Variants in HDLBP observed in about 807,000 individuals in gnomAD.
The protein encoded by HDLBP is high density lipoprotein binding protein, also known as vigilin.
In HDLBP, 30 loss-of-function variants were observed where a neutral mutation model predicts 137.3. The ratio of observed to expected loss-of-function variants is 0.22; its 90% confidence interval spans 0.16 to 0.30. HDLBP has a LOEUF of 0.30. Ranked by LOEUF, HDLBP falls within the 10% of genes least tolerant of loss-of-function variation. The probability of loss-of-function intolerance (pLI) is 1.00; values close to 1 mark genes in which losing one functional copy is unlikely to be tolerated. For synonymous variants in HDLBP, 606 were observed against 596.0 expected, an observed-to-expected ratio of 1.02 and a Z score of -0.24; for missense variants, 1,119 against 1,667.3, an observed-to-expected ratio of 0.67 and a Z score of 5.73.
intron 20 of HDLBP, among the ~76,000 whole-genome samples, chr2:241,237,431 C>A (rs1328341507): frequency 6.6e-6 from 1 of 152,136 alleles, no homozygotes; most frequent in African/African-American, 2.4e-5. Context: ...AAAACAGACA[C>A]AACAATAATT....
chr2:241,290,188 T>C (rs2074965530), intron 1 of HDLBP, among the ~76,000 whole-genome samples: 1 of 152,208 alleles, frequency 6.6e-6, no homozygotes, highest in East Asian at 1.9e-4. Flanking sequence ...GAAATGTGTA[T>C]GTCTGTTTAT....
Position 241,253,232 on chromosome 2 carries a change from C to T in HDLBP, c.1293+161G>A, listed in dbSNP as rs769692961. 64 of 681,720 alleles carry T rather than the reference C, an allele frequency of 9.4e-5. No individual in the cohort carries two copies. In the Admixed American group the frequency reaches 1.1e-3, roughly 11 times the overall value. The allele number at this position is 681,720 out of a possible 1,614,324, so 42.2% of individuals were successfully genotyped here. On this transcript the variant is annotated intron_variant, in intron 10 of 27. Coordinates refer to ENST00000310931, the MANE Select transcript of HDLBP (RefSeq NM_005336.6). ...TCCACCCACGATTATTCCAGGACTT[C>T]GACCAGCTTCTGGTTGTTTCAGAAC...
At chr2:241,294,584 C>CT (rs1157079817) in intron 1 of HDLBP, among the ~76,000 whole-genome samples, 1 of 152,136 alleles carries the variant, frequency 6.6e-6, no homozygotes, top group Non-Finnish European at 1.5e-5. Flanking sequence ...CCTCAGACTC[C>CT]TAAGGCGCTG....
At chr2:241,250,065 C>A in intron 11 of HDLBP, 85 bp from the exon 12 acceptor site, 1 of 1,324,812 alleles carries the variant, frequency 7.5e-7, no homozygotes, top group South Asian at 1.5e-5. Context: ...AGCGCTAAAG[C>A]GCTAAATAAC....
chr2:241,283,485 T>C (rs1013630396), intron 1 of HDLBP, among the ~76,000 whole-genome samples: 8 of 151,958 alleles, frequency 5.3e-5, no homozygotes, highest in African/African-American at 1.9e-4. Context: ...TTTTTTTTTT[T>C]TTTTCTTGAG....
chr2:241,259,399 A>C (rs1354211675), intron 5 of HDLBP, among the ~76,000 whole-genome samples: 2 of 152,250 alleles, frequency 1.3e-5, no homozygotes, highest in East Asian at 3.8e-4. Flanking sequence ...AAATGTTGAA[A>C]TACTTTAAAA....
At chr2:241,267,824 G>A in intron 2 of HDLBP, 1 of 1,454,398 alleles carries the variant, frequency 6.9e-7, no homozygotes, top group Non-Finnish European at 9.1e-7. Flanking sequence ...CTCCAGGTGT[G>A]GGACAGAACT....
At chr2:241,260,068 A>C (rs1559515611) in intron 5 of HDLBP, among the ~76,000 whole-genome samples, 1 of 152,106 alleles carries the variant, frequency 6.6e-6, no homozygotes, top group Non-Finnish European at 1.5e-5. Flanking sequence ...CAATGGCATG[A>C]TCTTGGCTCA....
chr2:241,242,417 A>C (rs1574889023), intron 17 of HDLBP, 43 bp downstream of exon 17: 1 of 1,542,600 alleles, frequency 6.5e-7, no homozygotes, highest in Admixed American at 1.7e-5. Context: ...TGTACTGAGG[A>C]CCAGGCTTCC....
At chr2:241,308,114 T>C (rs954755250) in intron 1 of HDLBP, among the ~76,000 whole-genome samples, 1 of 152,200 alleles carries the variant, frequency 6.6e-6, no homozygotes, top group African/African-American at 2.4e-5. Context: ...AAAATGATCA[T>C]GTTTATTCTT....
At chr2:241,310,356 T>C (rs1389706703) in intron 1 of HDLBP, among the ~76,000 whole-genome samples, 2 of 152,214 alleles carry the variant, frequency 1.3e-5, no homozygotes, top group African/African-American at 2.4e-5. Flanking sequence ...AGATATATTG[T>C]ACAGCACGGT....
chr2:241,246,685 A>G, intron 16 of HDLBP, 67 bp downstream of exon 16: 1 of 1,519,742 alleles, frequency 6.6e-7, no homozygotes, highest in Non-Finnish European at 9.0e-7. Flanking sequence ...ACTCAACCCC[A>G]GGCTCAATCT....
At chr2:241,305,216 T>C (rs1160937774) in intron 1 of HDLBP, among the ~76,000 whole-genome samples, 2 of 152,174 alleles carry the variant, frequency 1.3e-5, no homozygotes, top group Non-Finnish European at 2.9e-5. Flanking sequence ...CTCCAACTCC[T>C]GGGTTAAAGT....
chr2:241,271,083 T>C, intron 1 of HDLBP: 1 of 985,426 alleles, frequency 1.0e-6, no homozygotes, highest in South Asian at 4.7e-5. Flanking sequence ...TTCCCCTTTC[T>C]GGCCATGGAG....
rs1474026118 is a variant in HDLBP, at chr2:241,272,351, C to T, written c.-102-3810G>A. ...GGGAGGGGAGGGCCGGCCCCGCCAA[C>T]GTCAGCGACCTGGGCTCAGGTCGGC... On this transcript the variant is annotated intron_variant, in intron 1 of 27. Coordinates refer to ENST00000310931, the MANE Select transcript of HDLBP (RefSeq NM_005336.6). This position sits in a 1 kb window ranked among gnomAD's most constrained non-coding sequence, Gnocchi z 5.6. The T allele has an allele frequency of 1.0e-6, 1 of 984,292 alleles. No individual in the cohort carries two copies. Among genetic ancestry groups the T allele is most frequent in the Non-Finnish European group, 1.2e-6 (1 of 829,296 alleles). 61.0% of individuals were successfully genotyped at this position (984,292 alleles called of 1,614,324 possible).
chr2:241,279,413 A>G (rs1329125519), intron 1 of HDLBP, among the ~76,000 whole-genome samples: 1 of 152,256 alleles, frequency 6.6e-6, no homozygotes, highest in African/African-American at 2.4e-5. Flanking sequence ...AAATTTATAC[A>G]AAAGATCAAG....
At chr2:241,256,927 C>A in intron 5 of HDLBP, 121 bp from the exon 6 acceptor site, 2 of 804,512 alleles carry the variant, frequency 2.5e-6, no homozygotes, top group Non-Finnish European at 4.0e-6. Flanking sequence ...AGCACCAACT[C>A]ATCCATTAAA....
In HDLBP at chr2:241,247,103, G is replaced by C; in HGVS notation, c.1771C>G (p.Gln591Glu). The C allele has an allele frequency of 6.2e-7, 1 of 1,613,506 alleles. No homozygotes were observed. The highest frequency in any genetic ancestry group is 8.5e-7 in the Non-Finnish European group (1 of 1,179,416). Reference protein sequence around the residue: ...SYSISVPIFKQFHKNIIGKGG... With the variant: ...SYSISVPIFKEFHKNIIGKGG... Reference sequence around the variant, plus strand: ...TTCCCAATGATATTCTTGTGAAACTGTTTGAAGATCGGAACAGAAATTGAA... The same window carrying C: ...TTCCCAATGATATTCTTGTGAAACTCTTTGAAGATCGGAACAGAAATTGAA... Residue 591 changes from glutamine to glutamate, a missense_variant, in exon 15 of 28, where the codon CAG becomes GAG. Gln to Glu is a conservative substitution (Grantham distance 29). This residue lies in a region of HDLBP where 425 missense variants were observed against 693.9 expected (regional missense o/e 0.61). Transcript: ENST00000310931.
Position 241,235,236 on chromosome 2 carries a change from G to A in HDLBP, c.3029C>T (p.Ala1010Val). The change falls in exon 23 of 28, where the codon GCA becomes GTA. Residue 1010 changes from alanine to valine, a missense_variant. This residue lies in a region of HDLBP where 618 missense variants were observed against 816.7 expected (regional missense o/e 0.76). Coordinates refer to ENST00000310931, the MANE Select transcript of HDLBP (RefSeq NM_005336.6). ...GATGATGTCAGACTGCAGCTCAGGTGCCGGGACATGTATGTTCACCTACGT... is the reference window on the plus strand; with the variant it reads ...GATGATGTCAGACTGCAGCTCAGGTACCGGGACATGTATGTTCACCTACGT... ...DEFEVNIHVP[A>V]PELQSDIIAI... 1 of 1,614,232 alleles carries A rather than the reference G, an allele frequency of 6.2e-7. No homozygotes were observed. The highest frequency in any genetic ancestry group is 8.5e-7 in the Non-Finnish European group (1 of 1,180,052).
Sources: gnomAD v4.1 joint callset for allele counts (sites outside exome capture counted in the v4.1 genomes callset) on GRCh38, gnomAD v4.1.1 for gene constraint, gnomAD v4.1.1 regional missense constraint, Gnocchi (gnomAD v3.1) non-coding constraint, MANE v1.5 for transcripts, NCBI Gene and HGNC (gene_info 2026-07-23, HGNC 2026-07-21) for gene names.